Variants in MACROD2 observed in about 807,000 individuals in gnomAD.
MACROD2 encodes the protein mono-ADP ribosylhydrolase 2.
MACROD2 carries 36 observed loss-of-function variants against 70.4 expected under a neutral mutation model. The observed-to-expected ratio is 0.51, with a 90% CI of 0.39 to 0.68. The LOEUF (loss-of-function observed/expected upper bound fraction) is 0.68, where lower values mean the gene tolerates loss of function less well. MACROD2 is among the 30% of genes least tolerant of loss of function. The probability of loss-of-function intolerance (pLI) is 0.00; values close to 1 mark genes in which losing one functional copy is unlikely to be tolerated. For synonymous variants in MACROD2, 172 were observed against 178.8 expected (o/e 0.96, Z 0.30); for missense variants, 496 against 538.4 (o/e 0.92, Z 0.78).
At chr20:15,109,318 C>T (rs2075936664) in intron 5 of MACROD2, among the ~76,000 whole-genome samples, 1 of 152,112 alleles carries the variant, frequency 6.6e-6, no homozygotes, top group African/African-American at 2.4e-5. Flanking sequence ...TGAAATGTCG[C>T]TTTAACAACC....
chr20:15,132,192 C>A (rs1216931494), intron 5 of MACROD2, among the ~76,000 whole-genome samples: 1 of 151,778 alleles, frequency 6.6e-6, no homozygotes, highest in Non-Finnish European at 1.5e-5. Context: ...TCTTTATGGT[C>A]TAAATAACAT....
intron 5 of MACROD2, among the ~76,000 whole-genome samples, chr20:15,086,864 G>A (rs2075752696): frequency 6.6e-6 from 1 of 152,092 alleles, no homozygotes; most frequent in East Asian, 1.9e-4. Flanking sequence ...GAGGACTAAA[G>A]GAGATAATAT....
At chr20:14,471,683 A>T (rs1014633191) in intron 3 of MACROD2, among the ~76,000 whole-genome samples, 12 of 152,166 alleles carry the variant, frequency 7.9e-5, no homozygotes, top group African/African-American at 2.9e-4. Context: ...CAAATGTTAA[A>T]ACAAAAATGA....
intron 5 of MACROD2, among the ~76,000 whole-genome samples, chr20:14,896,622 A>G (rs1296132664): frequency 6.6e-6 from 1 of 151,660 alleles, no homozygotes; most frequent in Non-Finnish European, 1.5e-5. Context: ...GGTTCTCCTT[A>G]TATGGATTCA....
At chr20:14,702,609 ATGTG>A (rs1466545112) in intron 5 of MACROD2, among the ~76,000 whole-genome samples, 3 of 57,542 alleles carry the variant, frequency 5.2e-5, no homozygotes, top group African/African-American at 1.4e-4. Flanking sequence ...GTGTATATAT[ATGTG>A]TATATATATA....
At chr20:15,881,555 T>C (rs1396309362) in intron 9 of MACROD2, among the ~76,000 whole-genome samples, 1 of 152,146 alleles carries the variant, frequency 6.6e-6, no homozygotes, top group African/African-American at 2.4e-5. Flanking sequence ...CCTTAGGTTC[T>C]AGAATAGTGA....
chr20:14,191,708 G>A (rs745497288), intron 3 of MACROD2, among the ~76,000 whole-genome samples: 3 of 152,232 alleles, frequency 2.0e-5, no homozygotes, highest in Non-Finnish European at 4.4e-5. Context: ...AATATTTGAA[G>A]GAAGAGTATT....
intron 3 of MACROD2, among the ~76,000 whole-genome samples, chr20:14,308,207 G>T (rs1367870955): frequency 6.6e-6 from 1 of 152,086 alleles, no homozygotes; most frequent in Non-Finnish European, 1.5e-5. Context: ...TATGTTATTT[G>T]CCTCCTGCAC....
chr20:15,631,562 G>A (rs1400268832), intron 8 of MACROD2, among the ~76,000 whole-genome samples: 1 of 152,188 alleles, frequency 6.6e-6, no homozygotes, highest in East Asian at 1.9e-4. Context: ...AGGAACTGGA[G>A]GTGGGGAGAA....
chr20:15,192,014 G>GTATCTATCTATCTATCTATC (rs71190179), intron 5 of MACROD2, among the ~76,000 whole-genome samples: 12 of 146,388 alleles, frequency 8.2e-5, no homozygotes, highest in Non-Finnish European at 1.0e-4. Context: ...TATTAACTAT[G>GTATCTATCTATCTATCTATC]TATCTATCTA....
At chr20:14,256,266 A>G (rs1465379432) in intron 3 of MACROD2, among the ~76,000 whole-genome samples, 6 of 151,948 alleles carry the variant, frequency 3.9e-5, no homozygotes, top group East Asian at 1.9e-4. Flanking sequence ...TGTGGTGTCT[A>G]TTTATCTTCT....
At chr20:16,029,223 G>T (rs2067120739) in intron 15 of MACROD2, among the ~76,000 whole-genome samples, 1 of 152,170 alleles carries the variant, frequency 6.6e-6, no homozygotes, top group African/African-American at 2.4e-5. Context: ...TATAAATACA[G>T]TAACTTGCAG....
At chr20:14,218,341 A>G (rs2081641280) in intron 3 of MACROD2, among the ~76,000 whole-genome samples, 1 of 152,106 alleles carries the variant, frequency 6.6e-6, no homozygotes. Flanking sequence ...ACCCCTGCTC[A>G]CTTTTGGTGT....
intron 15 of MACROD2, among the ~76,000 whole-genome samples, chr20:15,991,731 A>G (rs1172068831): frequency 6.6e-6 from 1 of 152,202 alleles, no homozygotes; most frequent in African/African-American, 2.4e-5. Flanking sequence ...TAGCAGCACA[A>G]TCATTTAGTT....
At chr20:15,146,124 ATTTTCGG>A (rs772021323) in intron 5 of MACROD2, among the ~76,000 whole-genome samples, 37 of 152,106 alleles carry the variant, frequency 2.4e-4, no homozygotes, top group Admixed American at 1.1e-3. Flanking sequence ...TGCAAAAATA[ATTTTCGG>A]TTGTTTCATA....
chr20:14,758,369 C>G (rs1382766664), intron 5 of MACROD2, among the ~76,000 whole-genome samples: 2 of 152,090 alleles, frequency 1.3e-5, no homozygotes, highest in South Asian at 2.1e-4. Context: ...AATGGCAATT[C>G]CATGCCCAGA....
At chr20:15,244,710 A>G (rs1163442403) in intron 6 of MACROD2, among the ~76,000 whole-genome samples, 1 of 152,192 alleles carries the variant, frequency 6.6e-6, no homozygotes, top group Non-Finnish European at 1.5e-5. Context: ...TTTTATTTTG[A>G]TATTAAGAAT....
chr20:15,287,182 G>A (rs2077499782), intron 6 of MACROD2, among the ~76,000 whole-genome samples: 1 of 152,156 alleles, frequency 6.6e-6, no homozygotes, highest in Non-Finnish European at 1.5e-5. Flanking sequence ...AATAAGAAAA[G>A]TTAGATCCTA....
intron 3 of MACROD2, among the ~76,000 whole-genome samples, chr20:14,106,904 G>A (rs2054377214): frequency 1.3e-5 from 2 of 152,264 alleles, no homozygotes; most frequent in East Asian, 1.9e-4. Context: ...TGAATACCTG[G>A]AAAGTCTTTC....
Sources: gnomAD v4.1 joint callset for allele counts (sites outside exome capture counted in the v4.1 genomes callset) on GRCh38, gnomAD v4.1.1 for gene constraint, MANE v1.5 for transcripts, NCBI Gene and HGNC (gene_info 2026-07-23, HGNC 2026-07-21) for gene names.